DOK5: variants seen among roughly 807,000 people sequenced by gnomAD.
DOK5 encodes downstream of tyrosine kinase 5.
A neutral mutation model predicts 43.3 loss-of-function variants in DOK5; 27 were observed. The ratio of observed to expected loss-of-function variants is 0.62; its 90% confidence interval spans 0.46 to 0.86. The LOEUF (loss-of-function observed/expected upper bound fraction) is 0.86, where lower values mean the gene tolerates loss of function less well. DOK5 is among the 40% of genes least tolerant of loss of function. The probability of loss-of-function intolerance (pLI) is 0.00; values close to 1 mark genes in which losing one functional copy is unlikely to be tolerated. For synonymous variants in DOK5, 146 were observed against 140.1 expected, an observed-to-expected ratio of 1.04 and a Z score of -0.30; for missense variants, 373 against 392.9, an observed-to-expected ratio of 0.95 and a Z score of 0.43.
At chr20:54,635,250 C>T (rs1021258364) in intron 6 of DOK5, among the ~76,000 whole-genome samples, 3 of 152,152 alleles carry the variant, frequency 2.0e-5, no homozygotes, top group Admixed American at 2.0e-4. Context: ...TATTATTTGA[C>T]ATATTTTGAA....
At chr20:54,504,064 C>A (rs6023312) in intron 1 of DOK5, among the ~76,000 whole-genome samples, 3 of 152,066 alleles carry the variant, frequency 2.0e-5, no homozygotes, top group Non-Finnish European at 2.9e-5. Context: ...AGAGACAGTG[C>A]GCATGAGTGA....
chr20:54,500,826 G>T (rs1020360936), intron 1 of DOK5, among the ~76,000 whole-genome samples: 6 of 152,042 alleles, frequency 3.9e-5, no homozygotes, highest in African/African-American at 7.2e-5. Context: ...CTCCCAAAGT[G>T]CTGGGATTAC....
intron 2 of DOK5, among the ~76,000 whole-genome samples, chr20:54,571,279 C>T (rs1985272982): frequency 6.6e-6 from 1 of 152,116 alleles, no homozygotes. Context: ...GTTTTGTCTG[C>T]CTCGCTCTCA....
At chr20:54,642,283 C>A (rs1979157741) in intron 6 of DOK5, among the ~76,000 whole-genome samples, 1 of 152,126 alleles carries the variant, frequency 6.6e-6, no homozygotes, top group Non-Finnish European at 1.5e-5. Context: ...TTGCCTGCTG[C>A]CAAAAGCCAT....
chr20:54,526,165 C>T (rs529296805), intron 1 of DOK5, among the ~76,000 whole-genome samples: 15 of 149,908 alleles, frequency 1.0e-4, no homozygotes, highest in African/African-American at 3.2e-4. Context: ...TAACTATTTC[C>T]TGCATTCCTC....
intron 1 of DOK5, among the ~76,000 whole-genome samples, chr20:54,531,815 G>A (rs1983782875): frequency 6.6e-6 from 1 of 152,194 alleles, no homozygotes; most frequent in Non-Finnish European, 1.5e-5. Context: ...TTTGTTTTGT[G>A]CTCACCATGA....
intron 1 of DOK5, among the ~76,000 whole-genome samples, chr20:54,511,714 G>T (rs1193691368): frequency 6.6e-6 from 1 of 152,178 alleles, no homozygotes; most frequent in African/African-American, 2.4e-5. Context: ...CTCATTGCTG[G>T]AGTCAGTGAC....
At chr20:54,483,312 G>T (rs796148355) in intron 1 of DOK5, among the ~76,000 whole-genome samples, 4 of 152,240 alleles carry the variant, frequency 2.6e-5, no homozygotes, top group East Asian at 1.9e-4. Flanking sequence ...GTGGGGAATC[G>T]TTTGGTATTT....
At chr20:54,516,711 A>G (rs540728731) in intron 1 of DOK5, among the ~76,000 whole-genome samples, 12 of 152,332 alleles carry the variant, frequency 7.9e-5, no homozygotes, top group Non-Finnish European at 1.5e-4. Context: ...GTAAAAATTA[A>G]CATTAACTCA....
intron 5 of DOK5, among the ~76,000 whole-genome samples, chr20:54,593,500 T>C (rs2146772684): frequency 6.6e-6 from 1 of 152,304 alleles, no homozygotes; most frequent in South Asian, 2.1e-4. Flanking sequence ...GCAATGTTCT[T>C]ATTTTGTGAG....
In DOK5 at chr20:54,591,945, G is replaced by A. The variant is rs371387679; in HGVS notation, c.599+140G>A. On this transcript the variant is annotated intron_variant, in intron 5 of 7. Coordinates refer to ENST00000262593, the MANE Select transcript of DOK5 (RefSeq NM_018431.5). ...CACTTGAGGAAATTCATAGAGTTGCGATTACATAATATGAGGGGTCTTGTG... is the reference window on the plus strand; with the variant it reads ...CACTTGAGGAAATTCATAGAGTTGCAATTACATAATATGAGGGGTCTTGTG... 30 of 665,904 alleles carry A rather than the reference G, an allele frequency of 4.5e-5. No homozygotes were observed. In the Middle Eastern group the frequency reaches 1.4e-3, roughly 32 times the overall value. 41.2% of individuals were successfully genotyped at this position (665,904 alleles called of 1,614,324 possible).
chr20:54,485,672 G>A (rs1600653316), intron 1 of DOK5, among the ~76,000 whole-genome samples: 2 of 152,340 alleles, frequency 1.3e-5, no homozygotes, highest in East Asian at 3.9e-4. Context: ...CTAGGCAAAT[G>A]TCCAGGAGTG....
intron 2 of DOK5, among the ~76,000 whole-genome samples, chr20:54,567,589 T>C (rs926510268): frequency 5.3e-5 from 8 of 152,220 alleles, no homozygotes; most frequent in African/African-American, 1.9e-4. Context: ...ACTGTAGCTA[T>C]ATAGTAATCT....
chr20:54,560,146 G>A (rs999597022), intron 2 of DOK5, among the ~76,000 whole-genome samples: 7 of 152,124 alleles, frequency 4.6e-5, no homozygotes, highest in Non-Finnish European at 8.8e-5. Flanking sequence ...AACCTTTTCT[G>A]TACTAATGAT....
At chr20:54,560,318 C>T (rs1198377242) in intron 2 of DOK5, among the ~76,000 whole-genome samples, 1 of 152,178 alleles carries the variant, frequency 6.6e-6, no homozygotes, top group Non-Finnish European at 1.5e-5. Flanking sequence ...AGAAACTACC[C>T]ACCATGCCAT....
At chr20:54,577,619 A>G (rs1985493097) in intron 2 of DOK5, among the ~76,000 whole-genome samples, 1 of 152,228 alleles carries the variant, frequency 6.6e-6, no homozygotes, top group Non-Finnish European at 1.5e-5. Flanking sequence ...CAGAGGGTGT[A>G]TTAGCCAATG....
intron 7 of DOK5, among the ~76,000 whole-genome samples, chr20:54,644,655 G>C (rs1228839660): frequency 6.7e-6 from 1 of 149,432 alleles, no homozygotes; most frequent in Non-Finnish European, 1.5e-5. Context: ...GCAGTGAGCC[G>C]AGATAGCGCC....
At chr20:54,567,468 C>G (rs1017598149) in intron 2 of DOK5, among the ~76,000 whole-genome samples, 1 of 151,972 alleles carries the variant, frequency 6.6e-6, no homozygotes, top group East Asian at 1.9e-4. Context: ...GATTTTTTTA[C>G]CTTTGTCAAA....
intron 6 of DOK5, among the ~76,000 whole-genome samples, chr20:54,622,525 G>A (rs1252135558): frequency 2.0e-5 from 3 of 152,194 alleles, no homozygotes; most frequent in Non-Finnish European, 2.9e-5. Flanking sequence ...CTCCTGTCAC[G>A]GTGCCAGGGA....
Sources: allele counts gnomAD v4.1 joint callset (sites outside exome capture counted in the v4.1 genomes callset), GRCh38; gene constraint gnomAD v4.1.1; transcripts MANE v1.5; gene names NCBI Gene and HGNC (gene_info 2026-07-23, HGNC 2026-07-21).